Variants in MIB1 observed in about 807,000 individuals in gnomAD.
MIB1 encodes the protein MIB E3 ubiquitin protein ligase 1, also known as E3 ubiquitin-protein ligase MIB1.
In MIB1, 278 loss-of-function variants were observed where a neutral mutation model predicts 124.5. The observed-to-expected ratio is 2.23, with a 90% CI of 2.02 to 2.47. The LOEUF (loss-of-function observed/expected upper bound fraction) is 2.47. Among genes scored for constraint, MIB1 ranks in the 30% most tolerant of loss-of-function variants. MIB1 has a pLI of 0.00. For synonymous variants in MIB1, 446 were observed against 429.4 expected, an observed-to-expected ratio of 1.04 and a Z score of -0.48; for missense variants, 957 against 1,254.4, an observed-to-expected ratio of 0.76 and a Z score of 3.58.
chr18:21,749,611 T>C (rs1477974318), intron 1 of MIB1, among the ~76,000 whole-genome samples: 1 of 151,930 alleles, frequency 6.6e-6, no homozygotes, highest in African/African-American at 2.4e-5. Context: ...TGACAACTGA[T>C]ACATTTTTTC....
intron 6 of MIB1, among the ~76,000 whole-genome samples, chr18:21,782,767 AGT>A (rs1000355610): frequency 1.3e-5 from 2 of 152,254 alleles, no homozygotes; most frequent in African/African-American, 4.8e-5. Context: ...GTATTCTGTA[AGT>A]GTCAATTATG....
chr18:21,806,700 T>G (rs922984832), intron 10 of MIB1, among the ~76,000 whole-genome samples: 6 of 151,720 alleles, frequency 4.0e-5, no homozygotes, highest in Non-Finnish European at 7.4e-5. Context: ...CTTGGCTCAC[T>G]GCAAGCTCTG....
At chr18:21,730,023 A>C (rs915883079) in intron 1 of MIB1, among the ~76,000 whole-genome samples, 5 of 152,266 alleles carry the variant, frequency 3.3e-5, no homozygotes, top group Non-Finnish European at 7.3e-5. Context: ...ATGGTTGGAA[A>C]GAATGAATAT....
chr18:21,819,552 C>G lies in MIB1; in HGVS notation c.1735C>G (p.Leu579Val), dbSNP rs2041861109. The G allele has an allele frequency of 1.2e-6, 2 of 1,610,468 alleles. No homozygotes were observed. Among genetic ancestry groups the G allele is most frequent in the East Asian group, 2.2e-5 (1 of 44,840 alleles). ...DAISKKRDDI[L>V]AVLLEAGADV... ...AATAAGTAAGAAACGTGATGATATC[C>G]TAGCAGTTCTTTTGGAAGCTGGAGC... Residue 579 changes from leucine to valine, a missense_variant, in exon 12 of 21, where the codon CTA becomes GTA. Physicochemically the swap from Leu to Val is conservative, Grantham distance 32. Coordinates refer to ENST00000261537, the MANE Select transcript of MIB1 (RefSeq NM_020774.4).
chr18:21,754,948 G>A (rs1353855084), intron 1 of MIB1, among the ~76,000 whole-genome samples: 1 of 152,168 alleles, frequency 6.6e-6, no homozygotes, highest in Non-Finnish European at 1.5e-5. Flanking sequence ...AGGGTCTACA[G>A]TATTTCTGAC....
chr18:21,742,075 C>T (rs1040458406), intron 1 of MIB1, among the ~76,000 whole-genome samples: 1 of 152,162 alleles, frequency 6.6e-6, no homozygotes, highest in African/African-American at 2.4e-5. Context: ...ACACAAAGCA[C>T]CGGGAAGAGA....
rs960744289 is a variant in MIB1 at position 21,869,823 on chromosome 18, G to A, written c.*5157G>A. ...AAAAAAAAGACCCTTTGTTCAAATG[G>A]ATTCTGTTGTAAAAAATTATTTTTA... On this transcript the variant is annotated 3_prime_UTR_variant, in exon 21 of 21. Transcript: ENST00000261537. 6.6e-6 allele frequency: 1 copy of A among 152,000 alleles called. No homozygotes were observed. The highest frequency in any genetic ancestry group is 6.6e-5 in the Admixed American group (1 of 15,244). The allele number at this position is 152,000 out of a possible 1,614,324, so 9.4% of individuals were successfully genotyped here. A position where few individuals can be genotyped will look rare whatever the true frequency, so the allele number is the denominator to read the frequency against.
intron 10 of MIB1, among the ~76,000 whole-genome samples, chr18:21,810,731 A>G (rs2041763496): frequency 6.6e-6 from 1 of 151,880 alleles, no homozygotes; most frequent in African/African-American, 2.4e-5. Flanking sequence ...ACAAAAATAA[A>G]TTCAAAATAC....
chr18:21,765,751 C>G (rs764303494), intron 1 of MIB1, 21 bp from the exon 2 acceptor site: 1 of 1,604,578 alleles, frequency 6.2e-7, no homozygotes, highest in Non-Finnish European at 8.5e-7. Flanking sequence ...TTAATCTGAG[C>G]ATGTGTCCTT....
intron 6 of MIB1, among the ~76,000 whole-genome samples, chr18:21,780,359 C>T (rs976990862): frequency 2.6e-5 from 4 of 152,082 alleles, no homozygotes; most frequent in South Asian, 2.1e-4. Flanking sequence ...TAGTCTTGTA[C>T]GCATTTACCA....
At chr18:21,748,379 C>G (rs2040934821) in intron 1 of MIB1, among the ~76,000 whole-genome samples, 1 of 105,066 alleles carries the variant, frequency 9.5e-6, no homozygotes, top group South Asian at 4.5e-4. Flanking sequence ...CTCTCTCCCC[C>G]CTCCCTCTCT....
At chr18:21,745,895 C>T (rs1221086241) in intron 1 of MIB1, among the ~76,000 whole-genome samples, 2 of 151,934 alleles carry the variant, frequency 1.3e-5, no homozygotes, top group African/African-American at 2.4e-5. Context: ...TTGGTAGAGA[C>T]GGGGTTTCAC....
intron 6 of MIB1, among the ~76,000 whole-genome samples, chr18:21,785,539 T>A (rs528017353): frequency 5.3e-5 from 8 of 152,238 alleles, no homozygotes; most frequent in Non-Finnish European, 7.3e-5. Context: ...TTGTGACTTG[T>A]TGTCTCTGTG....
intron 9 of MIB1, among the ~76,000 whole-genome samples, chr18:21,801,529 G>T (rs1020015304): frequency 6.6e-6 from 1 of 152,100 alleles, no homozygotes; most frequent in African/African-American, 2.4e-5. Context: ...GAAATATGTG[G>T]ATCAGCCAGT....
chr18:21,761,158 T>C (rs1383501657), intron 1 of MIB1, among the ~76,000 whole-genome samples: 1 of 152,036 alleles, frequency 6.6e-6, no homozygotes, highest in Non-Finnish European at 1.5e-5. Context: ...TTCTATATTA[T>C]TGCTTCTAAC....
At chr18:21,838,336 T>G (rs973006846) in intron 12 of MIB1, 29 bp from the exon 13 acceptor site, 5 of 1,505,888 alleles carry the variant, frequency 3.3e-6, no homozygotes, top group Middle Eastern at 3.5e-4. Flanking sequence ...ATTATGCAAA[T>G]ATAGAAATAA....
chr18:21,774,079 G>A (rs945881819), intron 4 of MIB1, among the ~76,000 whole-genome samples: 1 of 152,124 alleles, frequency 6.6e-6, no homozygotes, highest in African/African-American at 2.4e-5. Flanking sequence ...TGTATTCTGT[G>A]CTCTGGTAGC....
chr18:21,773,570 T>G, intron 3 of MIB1, 54 bp from the exon 4 acceptor site: 7 of 1,113,630 alleles, frequency 6.3e-6, no homozygotes, highest in Non-Finnish European at 9.3e-6. Context: ...TTAAAAGAAC[T>G]AAGCTCTTCC....
intron 11 of MIB1, among the ~76,000 whole-genome samples, chr18:21,816,586 G>A (rs901187524): frequency 6.6e-6 from 1 of 152,110 alleles, no homozygotes; most frequent in African/African-American, 2.4e-5. Context: ...AACATAATTT[G>A]TTTCCATTGG....
Sources: allele counts gnomAD v4.1 joint callset (sites outside exome capture counted in the v4.1 genomes callset), GRCh38; gene constraint gnomAD v4.1.1; transcripts MANE v1.5; gene names NCBI Gene and HGNC (gene_info 2026-07-23, HGNC 2026-07-21).